TBC1D22A: variants seen among roughly 807,000 people sequenced by gnomAD.
TBC1D22A encodes the protein putative GTPase activator.
In TBC1D22A, 38 loss-of-function variants were observed where a neutral mutation model predicts 60.2. The observed-to-expected ratio is 0.63, with a 90% CI of 0.49 to 0.83. The LOEUF (loss-of-function observed/expected upper bound fraction) is 0.83. TBC1D22A is among the 40% of genes least tolerant of loss of function. The pLI is 0.00. For missense variants in TBC1D22A, 628 were observed against 701.0 expected (o/e 0.90, Z 1.18); for synonymous variants, 302 against 281.7 (o/e 1.07, Z -0.72).
chr22:46,830,460 T>C (rs2086262442), intron 4 of TBC1D22A, among the ~76,000 whole-genome samples: 1 of 152,216 alleles, frequency 6.6e-6, no homozygotes, highest in South Asian at 2.1e-4. Context: ...TGTGAGCAGC[T>C]CTGTGTGTGT....
At position 47,122,123 on chromosome 22, in the gene TBC1D22A, G is replaced by A. The variant is rs374374689; in HGVS notation, c.1425+10520G>A. Among the ~76,000 whole-genome samples the A allele has an allele frequency of 1.4e-4, 21 of 152,212 alleles. No homozygotes were observed. The East Asian group carries it at 2.1e-3, about 15-fold the overall frequency. On this transcript the variant is annotated intron_variant, in intron 12 of 12. Transcript: ENST00000337137. ...GACTTAGTTAGCAGATGCTTCCCTG[G>A]TAACACATGAGGGGCACTGGGGATG...
At chr22:46,858,700 C>G (rs1421337547) in intron 4 of TBC1D22A, among the ~76,000 whole-genome samples, 1 of 152,200 alleles carries the variant, frequency 6.6e-6, no homozygotes, top group Non-Finnish European at 1.5e-5. Flanking sequence ...GCTTCGAGCG[C>G]TTCTTGGGAG....
At chr22:46,873,828 C>T (rs573824284) in intron 4 of TBC1D22A, among the ~76,000 whole-genome samples, 1 of 151,066 alleles carries the variant, frequency 6.6e-6, no homozygotes, top group African/African-American at 2.4e-5. Context: ...GAGTCTCGCT[C>T]TGTCACCAAG....
intron 1 of TBC1D22A, among the ~76,000 whole-genome samples, chr22:46,766,726 T>A (rs1412467764): frequency 6.6e-6 from 1 of 151,948 alleles, no homozygotes; most frequent in Non-Finnish European, 1.5e-5. Flanking sequence ...TTAGTAGAGA[T>A]GTGGTTTCAA....
At chr22:46,971,551 C>T (rs2074059260) in intron 8 of TBC1D22A, among the ~76,000 whole-genome samples, 2 of 152,206 alleles carry the variant, frequency 1.3e-5, no homozygotes, top group South Asian at 4.1e-4. Context: ...ACTGTTTTCC[C>T]AGGGAGGAAG....
At chr22:46,988,825 A>G (rs911226024) in intron 9 of TBC1D22A, among the ~76,000 whole-genome samples, 6 of 152,202 alleles carry the variant, frequency 3.9e-5, no homozygotes, top group Non-Finnish European at 8.8e-5. Flanking sequence ...CTCTAACAAG[A>G]GAGTCAGCTG....
intron 11 of TBC1D22A, among the ~76,000 whole-genome samples, chr22:47,102,423 C>G (rs1277399894): frequency 6.6e-6 from 1 of 152,246 alleles, no homozygotes; most frequent in Non-Finnish European, 1.5e-5. Flanking sequence ...GGGCTCTGGC[C>G]AAGGCCAGGT....
chr22:47,037,249 G>A (rs370548404), intron 11 of TBC1D22A, 51 bp downstream of exon 11: 55 of 1,603,160 alleles, frequency 3.4e-5, no homozygotes, highest in African/African-American at 3.3e-4. Flanking sequence ...AGCCCGGGCC[G>A]TTTCCTGTCG....
chr22:46,900,866 C>G (rs1569194089), intron 7 of TBC1D22A, among the ~76,000 whole-genome samples: 3 of 152,194 alleles, frequency 2.0e-5, no homozygotes, highest in East Asian at 1.9e-4. Flanking sequence ...ATGTACTAAT[C>G]TTATTGGGGA....
intron 11 of TBC1D22A, among the ~76,000 whole-genome samples, chr22:47,053,471 C>T (rs1000669261): frequency 6.6e-6 from 1 of 152,214 alleles, no homozygotes; most frequent in Non-Finnish European, 1.5e-5. Flanking sequence ...CAGGCGCACT[C>T]AGAGGCCTCA....
chr22:46,764,708 A>G (rs2083225621), intron 1 of TBC1D22A, among the ~76,000 whole-genome samples: 1 of 152,230 alleles, frequency 6.6e-6, no homozygotes, highest in Non-Finnish European at 1.5e-5. Context: ...GGGAAATTTG[A>G]ATACAGAGAG....
intron 11 of TBC1D22A, among the ~76,000 whole-genome samples, chr22:47,038,969 G>A (rs576558889): frequency 1.3e-5 from 2 of 152,290 alleles, no homozygotes; most frequent in African/African-American, 2.4e-5. Context: ...TGTAAATTGC[G>A]AATGCTGTCC....
At chr22:47,001,558 T>C (rs1046708367) in intron 10 of TBC1D22A, among the ~76,000 whole-genome samples, 3 of 152,074 alleles carry the variant, frequency 2.0e-5, no homozygotes, top group Admixed American at 2.0e-4. Context: ...TTGGTTTCAT[T>C]ATATGTCGTT....
intron 11 of TBC1D22A, among the ~76,000 whole-genome samples, chr22:47,060,541 C>T (rs1270005396): frequency 6.6e-6 from 1 of 152,210 alleles, no homozygotes; most frequent in Non-Finnish European, 1.5e-5. Context: ...AACGATTCTC[C>T]TACCTCAGCC....
At chr22:46,999,466 G>T (rs555787366) in intron 10 of TBC1D22A, among the ~76,000 whole-genome samples, 37 of 152,158 alleles carry the variant, frequency 2.4e-4, no homozygotes, top group African/African-American at 8.7e-4. Flanking sequence ...TTCTATCATG[G>T]CCTCATAATA....
intron 12 of TBC1D22A, among the ~76,000 whole-genome samples, chr22:47,129,438 C>T (rs994146718): frequency 5.3e-5 from 8 of 152,230 alleles, no homozygotes; most frequent in South Asian, 2.1e-4. Flanking sequence ...GATTGTGCCA[C>T]TGCACTGCAG....
intron 4 of TBC1D22A, among the ~76,000 whole-genome samples, chr22:46,841,047 G>GGTGGGTGTGTGT (rs1555909299): frequency 6.1e-5 from 9 of 147,436 alleles, no homozygotes; most frequent in African/African-American, 2.3e-4. Flanking sequence ...AATGAAAATG[G>GGTGGGTGTGTGT]GTGTGTGTGT....
chr22:47,002,847 G>A (rs2061444616), intron 10 of TBC1D22A, among the ~76,000 whole-genome samples: 1 of 152,140 alleles, frequency 6.6e-6, no homozygotes, highest in African/African-American at 2.4e-5. Context: ...AGGAGCTGCT[G>A]GCAAAACCTG....
At chr22:46,941,752 A>AAT (rs1391152331) in intron 8 of TBC1D22A, among the ~76,000 whole-genome samples, 5 of 136,760 alleles carry the variant, frequency 3.7e-5, no homozygotes, top group African/African-American at 1.4e-4. Context: ...ATATATGCGG[A>AAT]ATATATATAT....
Sources: gnomAD v4.1 joint callset for allele counts (sites outside exome capture counted in the v4.1 genomes callset) on GRCh38, gnomAD v4.1.1 for gene constraint, MANE v1.5 for transcripts, NCBI Gene and HGNC (gene_info 2026-07-23, HGNC 2026-07-21) for gene names.